The following ZNF83 variants were observed in gnomAD, a reference collection of about 807,000 sequenced individuals.
The protein encoded by ZNF83 is zinc finger protein 83.
For synonymous variants in ZNF83, 209 were observed against 213.0 expected (o/e 0.98, Z 0.17); for missense variants, 552 against 629.9 (o/e 0.88, Z 1.32).
At chr19:52,636,368 T>TC (rs2061147727) in intron 1 of ZNF83, 1 of 150,246 alleles carries the variant, frequency 6.7e-6, no homozygotes, top group Non-Finnish European at 1.5e-5. Context: ...GGGATTTTTT[T>TC]CTCACTTCAC....
chr19:52,664,684 G>A (rs2061624740), intron 1 of ZNF83, among the ~76,000 whole-genome samples: 1 of 151,640 alleles, frequency 6.6e-6, no homozygotes, highest in Middle Eastern at 3.2e-3. Flanking sequence ...AGGCCAGGAA[G>A]GGATGCAGAT....
chr19:52,678,616 A>G (rs990248288), intron 1 of ZNF83, among the ~76,000 whole-genome samples: 1 of 152,106 alleles, frequency 6.6e-6, no homozygotes, highest in African/African-American at 2.4e-5. Flanking sequence ...TGAAGGTGAC[A>G]GACTAGCAAA....
intron 3 of ZNF83, chr19:52,651,221 T>A (rs897306229): frequency 6.6e-6 from 1 of 152,216 alleles, no homozygotes; most frequent in South Asian, 2.1e-4. Context: ...CATCAGTGGT[T>A]TACAGAAATA....
rs925148559 is a variant in ZNF83, at chr19:52,661,133, G to T, written c.-282-290C>A. Reference sequence around the variant, plus strand: ...CCACCTCAGCCTCCCAAAGAGCTATGATTACAGGGGTAAACCACCAGACCC... The same window carrying T: ...CCACCTCAGCCTCCCAAAGAGCTATTATTACAGGGGTAAACCACCAGACCC... On this transcript the variant is annotated intron_variant, in intron 1 of 5. Coordinates refer to the ZNF83 transcript ENST00000594682. Among the ~76,000 whole-genome samples, 5 of 152,176 alleles carry T rather than the reference G, an allele frequency of 3.3e-5. No homozygotes were observed. The South Asian group carries it at 1.0e-3, about 32-fold the overall frequency.
chr19:52,626,631 C>CCAAT (rs2060747189), intron 2 of ZNF83, among the ~76,000 whole-genome samples: 1 of 152,130 alleles, frequency 6.6e-6, no homozygotes, highest in Non-Finnish European at 1.5e-5. Flanking sequence ...CAGACCATCA[C>CCAAT]CAATCATTCT....
At chr19:52,644,535 C>A (rs1268724492) in intron 3 of ZNF83, among the ~76,000 whole-genome samples, 1 of 152,122 alleles carries the variant, frequency 6.6e-6, no homozygotes, top group Admixed American at 6.5e-5. Context: ...TTCCACATAC[C>A]TGGGCTAAAA....
In ZNF83 at chr19:52,666,203, G is replaced by A. The variant is rs145044008; in HGVS notation, c.-282-5360C>T. Among the ~76,000 whole-genome samples the A allele has an allele frequency of 1.2e-3, 177 of 151,302 alleles. 1 individual carries two copies. Among genetic ancestry groups the A allele is most frequent in the Non-Finnish European group, 1.7e-3 (117 of 67,816 alleles). ...AGAAAGAGACAGAGAGTCAAAGAGA[G>A]AGAGAGAAAGAGACAGAGAGACAAA... On this transcript the variant is annotated intron_variant, in intron 1 of 5. Transcript: ENST00000594682.
intron 2 of ZNF83, among the ~76,000 whole-genome samples, chr19:52,655,976 T>A (rs1171966632): frequency 6.6e-6 from 1 of 151,922 alleles, no homozygotes; most frequent in East Asian, 1.9e-4. Flanking sequence ...TTTGGGAGGC[T>A]GAGGTGGGTG....
intron 3 of ZNF83, among the ~76,000 whole-genome samples, chr19:52,649,167 G>C (rs1447030285): frequency 6.6e-6 from 1 of 152,076 alleles, no homozygotes; most frequent in African/African-American, 2.4e-5. Flanking sequence ...TTCAAACCTG[G>C]CTTTCGCAGC....
intron 1 of ZNF83, among the ~76,000 whole-genome samples, chr19:52,670,140 T>A (rs558012267): frequency 1.3e-5 from 2 of 152,118 alleles, no homozygotes; most frequent in South Asian, 2.1e-4. Context: ...CTCATTCTGA[T>A]CACCTGCTCC....
chr19:52,613,308 A>T (rs767664098), exon 3 of ZNF83: 2 of 1,614,116 alleles, frequency 1.2e-6, no homozygotes, highest in Non-Finnish European at 8.5e-7. Flanking sequence ...GAATTCTCCA[A>T]TGATATGCAA....
chr19:52,625,588 C>T (rs2060708691), intron 2 of ZNF83, among the ~76,000 whole-genome samples: 1 of 152,176 alleles, frequency 6.6e-6, no homozygotes, highest in South Asian at 2.1e-4. Context: ...CAATTGGGGC[C>T]TTCCAGCTCC....
At chr19:52,665,399 C>T (rs2061636278) in intron 1 of ZNF83, among the ~76,000 whole-genome samples, 2 of 150,696 alleles carry the variant, frequency 1.3e-5, no homozygotes, top group Admixed American at 6.6e-5. Context: ...TTCCCTCCTC[C>T]GTCTCAATAA....
In ZNF83 at chr19:52,676,705, G is replaced by A. The variant is rs965482509; in HGVS notation, c.-283+13738C>T. Among the ~76,000 whole-genome samples, 449 of 137,406 alleles carry A rather than the reference G, an allele frequency of 3.3e-3. 8 individuals carry two copies. The highest frequency in any genetic ancestry group is 0.026 in the Middle Eastern group (7 of 272). 90.1% of individuals were successfully genotyped at this position (137,406 alleles called of 152,430 possible). A position where few individuals can be genotyped will look rare whatever the true frequency, so the allele number is the denominator to read the frequency against. ...AGAAAGCGGGGAAAGGTGGGGAAAAGATTGAGAAATCGGATGGTTGCCGTG... is the reference window on the plus strand; with the variant it reads ...AGAAAGCGGGGAAAGGTGGGGAAAAAATTGAGAAATCGGATGGTTGCCGTG... On this transcript the variant is annotated intron_variant, in intron 1 of 5. Transcript: ENST00000594682.
intron 1 of ZNF83, among the ~76,000 whole-genome samples, chr19:52,664,575 T>C (rs1265842005): frequency 6.6e-6 from 1 of 151,932 alleles, no homozygotes; most frequent in Non-Finnish European, 1.5e-5. Flanking sequence ...ACACGAACTT[T>C]TAAGTCCACG....
exon 3 of ZNF83, chr19:52,614,044 T>C (rs977603809): frequency 6.2e-7 from 1 of 1,613,182 alleles, no homozygotes; most frequent in Non-Finnish European, 8.5e-7. Context: ...ATATGGTTTC[T>C]CTCCAGTATG....
intron 2 of ZNF83, among the ~76,000 whole-genome samples, chr19:52,626,303 C>G (rs1426676952): frequency 6.6e-6 from 1 of 152,206 alleles, no homozygotes; most frequent in Non-Finnish European, 1.5e-5. Context: ...CAAGTCAACT[C>G]TTAGCCCCAG....
upstream of ZNF83, among the ~76,000 whole-genome samples, chr19:52,641,607 T>C (rs1021668529): frequency 3.3e-5 from 5 of 152,090 alleles, no homozygotes; most frequent in Non-Finnish European, 7.4e-5. Context: ...TGAGATGGAG[T>C]TTCTCTCTTG....
rs1030568220 is a variant in ZNF83 at position 52,614,315 on chromosome 19, C to T, written c.250G>A (p.Glu84Lys). The T allele has an allele frequency of 1.9e-5, 30 of 1,613,408 alleles. No individual in the cohort carries two copies. The highest frequency in any genetic ancestry group is 2.4e-5 in the Non-Finnish European group (28 of 1,179,506). Residue 84 changes from glutamate to lysine, a missense_variant, in exon 3 of 3, where the codon GAG (glutamate) becomes AAG (lysine). Transcript: ENST00000301096. ...TGTTCTGTCCCAATATTTGCTTTCT[C>T]TTTTTGTGTGAATAATGAATCCACA... is the stretch of plus-strand genomic sequence containing the variant.
Sources: gnomAD v4.1 joint callset for allele counts (sites outside exome capture counted in the v4.1 genomes callset) on GRCh38, gnomAD v4.1.1 for gene constraint, MANE v1.5 for transcripts, NCBI Gene and HGNC (gene_info 2026-07-23, HGNC 2026-07-21) for gene names.